Variants in CNTN5 observed in about 807,000 individuals in gnomAD.
CNTN5 encodes the protein contactin 5.
Under a neutral mutation model 129.1 loss-of-function variants are expected in CNTN5, and 77 were observed. The observed-to-expected ratio is 0.60, with a 90% confidence interval of 0.50 to 0.72. CNTN5 has a LOEUF of 0.72. Ranked by LOEUF, CNTN5 falls within the 30% of genes least tolerant of loss-of-function variation. The pLI is 0.00. For synonymous variants in CNTN5, 509 were observed against 465.6 expected, an observed-to-expected ratio of 1.09 and a Z score of -1.20; for missense variants, 1,478 against 1,328.8, an observed-to-expected ratio of 1.11 and a Z score of -1.75.
At chr11:100,342,811 A>G (rs1243281460) in intron 23 of CNTN5, among the ~76,000 whole-genome samples, 1 of 152,174 alleles carries the variant, frequency 6.6e-6, no homozygotes, top group East Asian at 1.9e-4. Context: ...TTTTTCTAGC[A>G]TAACCTTGCC....
intron 3 of CNTN5, among the ~76,000 whole-genome samples, chr11:99,784,039 G>C (rs188748743): frequency 6.6e-6 from 1 of 152,144 alleles, no homozygotes; most frequent in African/African-American, 2.4e-5. Context: ...TGTGTGCCTT[G>C]ATACTCTAGT....
intron 3 of CNTN5, among the ~76,000 whole-genome samples, chr11:99,758,612 G>A (rs1256575928): frequency 1.3e-5 from 2 of 151,984 alleles, no homozygotes; most frequent in Non-Finnish European, 2.9e-5. Flanking sequence ...AATCTTATGA[G>A]AGTGTTGTGT....
At chr11:99,245,595 A>G (rs1025308361) in intron 1 of CNTN5, among the ~76,000 whole-genome samples, 1 of 152,178 alleles carries the variant, frequency 6.6e-6, no homozygotes, top group South Asian at 2.1e-4. Context: ...TGCTGAAATT[A>G]CAGGCGTGAG....
intron 2 of CNTN5, among the ~76,000 whole-genome samples, chr11:99,458,223 T>G (rs1944563386): frequency 6.6e-6 from 1 of 151,954 alleles, no homozygotes; most frequent in South Asian, 2.1e-4. Flanking sequence ...CCTTATTTTT[T>G]TATAAATGTG....
At chr11:99,208,466 T>C (rs1217713200) in intron 1 of CNTN5, among the ~76,000 whole-genome samples, 2 of 152,124 alleles carry the variant, frequency 1.3e-5, no homozygotes, top group Non-Finnish European at 2.9e-5. Context: ...GTCATACTTA[T>C]TACCAAGCCA....
chr11:100,019,822 C>T (rs781537253), intron 9 of CNTN5, among the ~76,000 whole-genome samples: 8 of 151,840 alleles, frequency 5.3e-5, no homozygotes, highest in African/African-American at 1.4e-4. Flanking sequence ...ATAAGGGTTC[C>T]GTTTTCTCCA....
At chr11:99,456,421 AAC>A (rs1944498248) in intron 2 of CNTN5, among the ~76,000 whole-genome samples, 2 of 152,144 alleles carry the variant, frequency 1.3e-5, no homozygotes, top group South Asian at 4.1e-4. Flanking sequence ...CGAAAAGTAA[AAC>A]ACATTTTAAA....
intron 7 of CNTN5, among the ~76,000 whole-genome samples, chr11:99,922,746 A>G (rs960143163): frequency 6.6e-6 from 1 of 152,208 alleles, no homozygotes; most frequent in African/African-American, 2.4e-5. Context: ...ATGTTCTTTC[A>G]GTATATGAAG....
chr11:99,738,202 T>C (rs10790941), intron 3 of CNTN5, among the ~76,000 whole-genome samples: 23,614 of 152,026 alleles, frequency 0.16, 1,890 homozygotes, highest in Middle Eastern at 0.18. Context: ...TTTAAAGTGA[T>C]GATTAAGATG....
At chr11:100,024,391 T>C (rs1352033750) in intron 9 of CNTN5, among the ~76,000 whole-genome samples, 1 of 152,168 alleles carries the variant, frequency 6.6e-6, no homozygotes, top group Non-Finnish European at 1.5e-5. Flanking sequence ...CAGGCAGTTC[T>C]TCATAGCTGT....
rs150917831 is a variant in CNTN5 at position 99,518,904 on chromosome 11, A to C, written c.-70-37241A>C. On this transcript the variant is annotated intron_variant, in intron 2 of 24. Transcript: ENST00000524871. ...TGAATTAGCCTCCTAATTTATAACTAATTGTATTAAATGCATCCATTCTGC... is the reference window on the plus strand; with the variant it reads ...TGAATTAGCCTCCTAATTTATAACTCATTGTATTAAATGCATCCATTCTGC... Among the ~76,000 whole-genome samples the C allele has an allele frequency of 1.8e-4, 27 of 152,192 alleles. 1 individual carries two copies. Among genetic ancestry groups the C allele is most frequent in the Non-Finnish European group, 2.4e-4 (16 of 67,986 alleles).
intron 9 of CNTN5, among the ~76,000 whole-genome samples, chr11:100,008,725 G>A (rs1177264425): frequency 2.6e-5 from 4 of 151,886 alleles, no homozygotes; most frequent in African/African-American, 9.7e-5. Flanking sequence ...TCGCCTTTTT[G>A]GTTCCAAGTT....
chr11:99,326,457 C>A (rs997129016), intron 2 of CNTN5, among the ~76,000 whole-genome samples: 21 of 152,120 alleles, frequency 1.4e-4, no homozygotes, highest in African/African-American at 4.8e-4. Flanking sequence ...CTTTCAGTAC[C>A]TTCAAGCTTG....
chr11:99,252,937 A>C (rs2135797184), intron 1 of CNTN5, among the ~76,000 whole-genome samples: 1 of 138,882 alleles, frequency 7.2e-6, no homozygotes, highest in African/African-American at 2.8e-5. Flanking sequence ...ATGATGCTAT[A>C]GCAAGTTCTC....
chr11:99,747,044 A>G (rs892645399), intron 3 of CNTN5, among the ~76,000 whole-genome samples: 20 of 152,156 alleles, frequency 1.3e-4, no homozygotes, highest in African/African-American at 4.6e-4. Flanking sequence ...TCATTCTTCA[A>G]TCCATAAATA....
At chr11:99,108,093 G>C (rs1857606368) in intron 1 of CNTN5, among the ~76,000 whole-genome samples, 1 of 151,920 alleles carries the variant, frequency 6.6e-6, no homozygotes, top group Admixed American at 6.6e-5. Flanking sequence ...AAAATATAAG[G>C]TAATTCCTCA....
At chr11:99,399,226 A>G (rs1454089042) in intron 2 of CNTN5, among the ~76,000 whole-genome samples, 1 of 151,728 alleles carries the variant, frequency 6.6e-6, no homozygotes, top group Non-Finnish European at 1.5e-5. Context: ...GATATTGTCT[A>G]TACATATAAT....
chr11:99,473,692 ACT>A (rs1945263537), intron 2 of CNTN5, among the ~76,000 whole-genome samples: 1 of 151,852 alleles, frequency 6.6e-6, no homozygotes, highest in South Asian at 2.1e-4. Context: ...TGACTTAGAG[ACT>A]CTATAATTAA....
chr11:100,317,777 AGATGCATGGCTTCATGGTT>A (rs1415912432), intron 21 of CNTN5, among the ~76,000 whole-genome samples: 32 of 152,306 alleles, frequency 2.1e-4, no homozygotes, highest in Non-Finnish European at 3.5e-4. Context: ...ATTTGATTCT[AGATGCATGGCTTCATGGTT>A]GAAATTCTGT....
Sources: allele counts gnomAD v4.1 joint callset (sites outside exome capture counted in the v4.1 genomes callset), GRCh38; gene constraint gnomAD v4.1.1; transcripts MANE v1.5; gene names NCBI Gene and HGNC (gene_info 2026-07-23, HGNC 2026-07-21).